RNF217: variants seen among roughly 807,000 people sequenced by gnomAD.
The protein encoded by RNF217 is ring finger protein 217.
RNF217 carries 31 observed loss-of-function variants against 57.8 expected under a neutral mutation model. The ratio of observed to expected loss-of-function variants is 0.54; its 90% confidence interval spans 0.40 to 0.72. The LOEUF (loss-of-function observed/expected upper bound fraction) is 0.72. RNF217 is among the 30% of genes least tolerant of loss of function. RNF217 has a pLI of 0.00. For missense variants in RNF217, 696 were observed against 708.3 expected, an observed-to-expected ratio of 0.98 and a Z score of 0.20; for synonymous variants, 313 against 294.0, an observed-to-expected ratio of 1.06 and a Z score of -0.66.
At chr6:124,993,896 G>A (rs181179855) in intron 1 of RNF217, among the ~76,000 whole-genome samples, 466 of 152,280 alleles carry the variant, frequency 3.1e-3, no homozygotes, top group African/African-American at 0.011. Flanking sequence ...GAGATCCTCT[G>A]GAGAGGTGAG....
At chr6:125,074,202 G>A (rs758953124) in intron 3 of RNF217, among the ~76,000 whole-genome samples, 13 of 152,078 alleles carry the variant, frequency 8.5e-5, no homozygotes, top group African/African-American at 9.7e-5. Context: ...GTGCCCGCCT[G>A]TAATATGCTG....
Position 125,020,373 on chromosome 6 carries a change from G to A in RNF217, c.883-24838G>A, listed in dbSNP as rs141020415. 3.9e-3 allele frequency among the ~76,000 whole-genome samples: 594 copies of A among 152,302 alleles called. 4 individuals carry two copies. The highest frequency in any genetic ancestry group is 0.014 in the African/African-American group (573 of 41,564). ...CAAATCAATATCTGTTATTAAAAGG[G>A]TAGAGAATGTGAAATGATTTTAGAG... On this transcript the variant is annotated intron_variant, in intron 1 of 5. Coordinates refer to ENST00000521654, the MANE Select transcript of RNF217 (RefSeq NM_001286398.3).
At chr6:125,028,384 A>T (rs552539925) in intron 1 of RNF217, among the ~76,000 whole-genome samples, 8 of 152,014 alleles carry the variant, frequency 5.3e-5, no homozygotes, top group Admixed American at 4.6e-4. Flanking sequence ...AGAAATGTCT[A>T]TTCAAATCTT....
chr6:125,074,207 A>T (rs774025911), intron 3 of RNF217, among the ~76,000 whole-genome samples: 92 of 152,118 alleles, frequency 6.0e-4, no homozygotes, highest in Non-Finnish European at 1.2e-3. Context: ...CGCCTGTAAT[A>T]TGCTGTGTTC....
chr6:125,007,308 C>T (rs1441916528), intron 1 of RNF217, among the ~76,000 whole-genome samples: 6 of 149,402 alleles, frequency 4.0e-5, no homozygotes, highest in East Asian at 2.0e-4. Context: ...TGCAGTGGTG[C>T]GATCTCGGCT....
At chr6:125,015,432 A>G (rs1785564837) in intron 1 of RNF217, among the ~76,000 whole-genome samples, 1 of 152,146 alleles carries the variant, frequency 6.6e-6, no homozygotes, top group South Asian at 2.1e-4. Flanking sequence ...TCACTACAAT[A>G]TAGTAGAGAA....
intron 1 of RNF217, among the ~76,000 whole-genome samples, chr6:124,975,495 A>G (rs1443648827): frequency 1.3e-5 from 2 of 152,194 alleles, no homozygotes; most frequent in Non-Finnish European, 2.9e-5. Context: ...CAGTGGCTCA[A>G]TCATGGTTCA....
intron 1 of RNF217, among the ~76,000 whole-genome samples, chr6:125,039,905 A>T (rs1444115853): frequency 1.3e-5 from 2 of 152,310 alleles, no homozygotes; most frequent in Non-Finnish European, 2.9e-5. Flanking sequence ...ACCAGTAAGG[A>T]CAAAGAGACA....
chr6:125,054,640 G>A (rs1314023061), intron 2 of RNF217, among the ~76,000 whole-genome samples: 3 of 152,194 alleles, frequency 2.0e-5, no homozygotes, highest in Non-Finnish European at 4.4e-5. Flanking sequence ...TAGGCAGCTT[G>A]CCAACTAGTG....
rs1431533680 is a variant in RNF217, at chr6:125,088,675, T to G, written c.*5738T>G. 6.6e-6 allele frequency: 1 copy of G among 152,216 alleles called. No homozygotes were observed. Among genetic ancestry groups the G allele is most frequent in the Non-Finnish European group, 1.5e-5 (1 of 68,036 alleles). The allele number at this position is 152,216 out of a possible 1,614,324, so 9.4% of individuals were successfully genotyped here. ...AGTATGAATGTAAAAGGCAATAATTTTTTTTAAATACACAAAACATTGCCA... is the reference window on the plus strand; with the variant it reads ...AGTATGAATGTAAAAGGCAATAATTGTTTTTAAATACACAAAACATTGCCA... On this transcript the variant is annotated 3_prime_UTR_variant, in exon 6 of 6. Transcript: ENST00000521654.
At chr6:124,986,416 T>C (rs1288990708) in intron 1 of RNF217, among the ~76,000 whole-genome samples, 3 of 152,214 alleles carry the variant, frequency 2.0e-5, no homozygotes, top group African/African-American at 4.8e-5. Context: ...AAGCTGTCCT[T>C]TGGGTTTTTA....
chr6:125,011,456 C>G (rs1166093593), intron 1 of RNF217, among the ~76,000 whole-genome samples: 2 of 152,068 alleles, frequency 1.3e-5, no homozygotes, highest in South Asian at 4.1e-4. Flanking sequence ...GGGTTTTAGA[C>G]CCAGCATGCT....
intron 3 of RNF217, among the ~76,000 whole-genome samples, chr6:125,074,297 GTAGATAGATAGATAGATAGATAGATAGA>G (rs61208735): frequency 2.1e-5 from 3 of 144,874 alleles, no homozygotes; most frequent in East Asian, 4.1e-4. Context: ...CAGAAGATAG[GTAGATAGATAGATAGATAGATAGATAGA>G]TAGATAGATA....
chr6:125,072,987 A>G (rs1788207555), intron 3 of RNF217, among the ~76,000 whole-genome samples: 1 of 152,210 alleles, frequency 6.6e-6, no homozygotes, highest in African/African-American at 2.4e-5. Flanking sequence ...TCTGTGTACA[A>G]TGCTTGGCAC....
intron 4 of RNF217, among the ~76,000 whole-genome samples, chr6:125,078,130 TC>T (rs1170163818): frequency 6.6e-6 from 1 of 152,184 alleles, no homozygotes; most frequent in Non-Finnish European, 1.5e-5. Context: ...GCGTGCCGCT[TC>T]TTAATTTGCA....
chr6:125,006,090 A>AC (rs1475796963), intron 1 of RNF217: 1 of 152,226 alleles, frequency 6.6e-6, no homozygotes, highest in Non-Finnish European at 1.5e-5. Flanking sequence ...TGCAAATGAT[A>AC]AGAGGCTTGA....
In RNF217 at chr6:125,025,367, TTTTTTGTTTTC is replaced by T. The variant is rs552699294; in HGVS notation, c.883-19839_883-19829del. On this transcript the variant is annotated intron_variant, in intron 1 of 5. Coordinates refer to ENST00000521654, the MANE Select transcript of RNF217 (RefSeq NM_001286398.3). ...GACCAAGGCACACAATCCTAACGAG[TTTTTTGTTTTC>T]TTTTGCTTTTATAGTGGGAGAAACT... is the stretch of plus-strand genomic sequence containing the variant. Among the ~76,000 whole-genome samples, 915 of 151,876 alleles carry T rather than the reference TTTTTTGTTTTC, an allele frequency of 6.0e-3. 9 individuals are homozygous for T. The highest frequency in any genetic ancestry group is 0.021 in the African/African-American group (859 of 41,394).
chr6:125,058,594 T>C (rs1787609911), intron 3 of RNF217, among the ~76,000 whole-genome samples: 2 of 152,178 alleles, frequency 1.3e-5, no homozygotes, highest in African/African-American at 4.8e-5. Flanking sequence ...AAGTAAAAGC[T>C]CATAGCTAAA....
chr6:125,079,496 A>G (rs1004726524), intron 4 of RNF217, among the ~76,000 whole-genome samples: 10 of 152,060 alleles, frequency 6.6e-5, no homozygotes, highest in African/African-American at 2.4e-4. Flanking sequence ...AATAGCCAAT[A>G]CATATGTTCA....
Sources: allele counts gnomAD v4.1 joint callset (sites outside exome capture counted in the v4.1 genomes callset), GRCh38; gene constraint gnomAD v4.1.1; transcripts MANE v1.5; gene names NCBI Gene and HGNC (gene_info 2026-07-23, HGNC 2026-07-21).